MAX: variants seen among roughly 807,000 people sequenced by gnomAD.
MAX encodes the protein MYC associated transcriptional regulator X.
In MAX, 3 loss-of-function variants were observed where a neutral mutation model predicts 22.3. The ratio of observed to expected loss-of-function variants is 0.13; its 90% CI spans 0.06 to 0.35. The LOEUF is 0.35. Among genes scored for constraint, MAX ranks in the 10% least tolerant of loss-of-function variants. The pLI is 1.00. For synonymous variants in MAX, 72 were observed against 77.7 expected (o/e 0.93, Z 0.39); for missense variants, 119 against 209.4 (o/e 0.57, Z 2.66).
At chr14:65,040,250 T>C (rs2062314308) in intron 3 of MAX, among the ~76,000 whole-genome samples, 1 of 121,954 alleles carries the variant, frequency 8.2e-6, no homozygotes, top group Non-Finnish European at 2.0e-5. Flanking sequence ...GTTATCACTA[T>C]ATATATATGT....
chr14:65,038,965 A>G (rs553144709), intron 3 of MAX, among the ~76,000 whole-genome samples: 2 of 152,234 alleles, frequency 1.3e-5, no homozygotes, highest in South Asian at 4.1e-4. Context: ...ATAATATTTT[A>G]TCTAAAGATA....
chr14:65,020,904 G>A (rs2139548452), intron 3 of MAX, among the ~76,000 whole-genome samples: 1 of 150,868 alleles, frequency 6.6e-6, no homozygotes, highest in Admixed American at 6.6e-5. Context: ...GCTAATTTTT[G>A]TATTTTGTAA....
chr14:65,083,988 A>G (rs1360354777), intron 3 of MAX: 5 of 1,466,496 alleles, frequency 3.4e-6, no homozygotes, highest in Non-Finnish European at 4.5e-6. Context: ...ATGCCAGCAA[A>G]GGAGGCTGGA....
chr14:65,098,530 C>A (rs922455385), intron 2 of MAX, among the ~76,000 whole-genome samples: 9 of 152,080 alleles, frequency 5.9e-5, no homozygotes, highest in African/African-American at 2.2e-4. Context: ...AACACACTAA[C>A]CCATACATTT....
At position 65,088,318 on chromosome 14, in the gene MAX, G is replaced by A. The variant is rs2063397394; in HGVS notation, c.171+5390C>T. Among the ~76,000 whole-genome samples the A allele has an allele frequency of 6.6e-6, 1 of 152,186 alleles. No individual in the cohort carries two copies. Among genetic ancestry groups the A allele is most frequent in the African/African-American group, 2.4e-5 (1 of 41,434 alleles). On this transcript the variant is annotated intron_variant, in intron 3 of 4. Coordinates refer to ENST00000358664, the MANE Select transcript of MAX (RefSeq NM_002382.5). The surrounding 1 kb of genome is among the most constrained non-coding windows in gnomAD (Gnocchi z 5.2). Reference sequence around the variant, plus strand: ...AAATGGGCAATGAAAAGCCCTTGGAGGTTTTCAGCAGCATGCAAATAATTT... The same window carrying A: ...AAATGGGCAATGAAAAGCCCTTGGAAGTTTTCAGCAGCATGCAAATAATTT...
At chr14:65,094,223 G>C (rs1442116704) in intron 2 of MAX, 3 of 279,952 alleles carry the variant, frequency 1.1e-5, no homozygotes, top group Non-Finnish European at 2.1e-5. Context: ...TCCACTGTAA[G>C]AGATTCCCCA....
At position 65,027,675 on chromosome 14, in the gene MAX, C is replaced by A; in HGVS notation, c.172-21391G>T. On this transcript the variant is annotated intron_variant, in intron 3 of 3. Coordinates refer to the MAX transcript ENST00000341653. This position sits in a 1 kb window ranked among gnomAD's most constrained non-coding sequence, Gnocchi z 5.7. ...TGACACGCACTGACTGTTGCCTCTC[C>A]TACCTCTTTCCCTGTTTCTCAGAGA... The A allele has an allele frequency of 6.2e-7, 1 of 1,614,182 alleles. No individual in the cohort carries two copies. The highest frequency in any genetic ancestry group is 8.5e-7 in the Non-Finnish European group (1 of 1,180,010).
chr14:65,075,170 G>T lies in MAX; in HGVS notation c.*1306C>A. 8.7e-6 allele frequency: 9 copies of T among 1,033,596 alleles called. No individual in the cohort carries two copies. The highest frequency in any genetic ancestry group is 1.0e-5 in the Non-Finnish European group (9 of 859,370). The allele number at this position is 1,033,596 out of a possible 1,614,324, so 64.0% of individuals were successfully genotyped here. ...TATTTATAGTCTTATAGTAAAGGGG[G>T]AAGCCTTAACTTGCAAGACAATTCT... is the stretch of plus-strand genomic sequence containing the variant. On this transcript the variant is annotated 3_prime_UTR_variant, in exon 5 of 5. Coordinates refer to ENST00000358664, the MANE Select transcript of MAX (RefSeq NM_002382.5). This position sits in a 1 kb window ranked among gnomAD's most constrained non-coding sequence, Gnocchi z 4.1.
chr14:65,044,546 T>G lies in MAX; in HGVS notation c.172-38262A>C. 55 of 1,472,798 alleles carry G rather than the reference T, an allele frequency of 3.7e-5. No homozygotes were observed. The highest frequency in any genetic ancestry group is 4.5e-5 in the Non-Finnish European group (50 of 1,106,386). The allele number at this position is 1,472,798 out of a possible 1,614,324, so 91.2% of individuals were successfully genotyped here. A position where few individuals can be genotyped will look rare whatever the true frequency, so the allele number is the denominator to read the frequency against. ...TTTTTAGAGGGGTTGAAATGAGCTC[T>G]GTCTATCCTGGATTTTGAGTGCCCA... is the stretch of plus-strand genomic sequence containing the variant. On this transcript the variant is annotated intron_variant, in intron 3 of 3. Coordinates refer to the MAX transcript ENST00000341653. The surrounding 1 kb of genome is among the most constrained non-coding windows in gnomAD (Gnocchi z 5.5).
intron 3 of MAX, among the ~76,000 whole-genome samples, chr14:65,019,521 T>C (rs2061848605): frequency 6.6e-6 from 1 of 152,080 alleles, no homozygotes; most frequent in Non-Finnish European, 1.5e-5. Flanking sequence ...TTTTTTAAGC[T>C]TACTTGCATT....
chr14:65,054,666 C>G lies in MAX; in HGVS notation c.171+39042G>C, dbSNP rs368210294. On this transcript the variant is annotated intron_variant, in intron 3 of 3. Transcript: ENST00000341653. This position sits in a 1 kb window ranked among gnomAD's most constrained non-coding sequence, Gnocchi z 4.4. The stretch of plus-strand genomic sequence containing the variant: ...CGGAGCCATGTTGCATGATGTGGTC[C>G]TGGGTGTGCCCGAAAACGCTCTGGT... The G allele has an allele frequency of 1.8e-5, 29 of 1,612,438 alleles. No homozygotes were observed. The highest frequency in any genetic ancestry group is 2.5e-5 in the Non-Finnish European group (29 of 1,179,348).
chr14:65,055,216 G>GA (rs2062705657), intron 3 of MAX, among the ~76,000 whole-genome samples: 2 of 152,150 alleles, frequency 1.3e-5, no homozygotes, highest in Non-Finnish European at 2.9e-5. Flanking sequence ...CTGCTTTCCT[G>GA]AAAAAACAAT....
chr14:65,013,858 A>G (rs1052458058), intron 3 of MAX, among the ~76,000 whole-genome samples: 24 of 152,164 alleles, frequency 1.6e-4, no homozygotes, highest in African/African-American at 5.1e-4. Context: ...GCATTCTCTT[A>G]TTTAAATCTT....
chr14:65,025,530 A>C (rs896520858), intron 3 of MAX, among the ~76,000 whole-genome samples: 1 of 152,202 alleles, frequency 6.6e-6, no homozygotes, highest in Non-Finnish European at 1.5e-5. Flanking sequence ...AAAATGTGTC[A>C]CATGCTGGGC....
At position 65,076,542 on chromosome 14, in the gene MAX, G is replaced by A; in HGVS notation, c.417C>T (p.Asp139=). ...CTTCAGGCTCAGACTCCGAGCTGGA[G>A]TCCGAGCCCCCATCGAAGGCAGAGA... ...STISAFDGGS[D]SSSESEPEEP... is the part of the protein sequence containing the mutation. Residue 139 remains aspartate, a synonymous_variant, in exon 5 of 5, where the codon GAC becomes GAT. Coordinates refer to ENST00000358664, the MANE Select transcript of MAX (RefSeq NM_002382.5). The surrounding 1 kb of genome is among the most constrained non-coding windows in gnomAD (Gnocchi z 6.6). 2.5e-6 allele frequency: 4 copies of A among 1,614,118 alleles called. No homozygotes were observed. The highest frequency in any genetic ancestry group is 3.4e-6 in the Non-Finnish European group (4 of 1,180,010).
intron 3 of MAX, among the ~76,000 whole-genome samples, chr14:65,083,214 C>T (rs1209245508): frequency 1.3e-5 from 2 of 152,178 alleles, no homozygotes; most frequent in African/African-American, 4.8e-5. Context: ...CAGACCTCTG[C>T]TTTTGAACAG....
At position 65,025,739 on chromosome 14, in the gene MAX, T is replaced by TG. The variant is rs1055194134; in HGVS notation, c.172-19456dup. 1.6e-4 allele frequency among the ~76,000 whole-genome samples: 25 copies of TG among 152,162 alleles called. No homozygotes were observed. The South Asian group carries it at 4.8e-3, about 29-fold the overall frequency. ...CTGAGGTGGGAGGATAGCTTGAGTC[T>TG]GGGGAGGTTGAGGCTGCAGTGAGCC... On this transcript the variant is annotated intron_variant, in intron 3 of 3. Transcript: ENST00000341653.
intron 3 of MAX, among the ~76,000 whole-genome samples, chr14:65,041,911 T>C (rs1302880747): frequency 6.6e-6 from 1 of 152,222 alleles, no homozygotes; most frequent in Non-Finnish European, 1.5e-5. Flanking sequence ...GCCTCAGTTA[T>C]AAAGACAGTG....
At chr14:65,015,531 C>A in intron 3 of MAX, 1 of 1,347,742 alleles carries the variant, frequency 7.4e-7, no homozygotes, top group Non-Finnish European at 1.0e-6. Flanking sequence ...CTCCCCCTTG[C>A]CAGGCTGCTG....
Sources: gnomAD v4.1 joint callset for allele counts (sites outside exome capture counted in the v4.1 genomes callset) on GRCh38, gnomAD v4.1.1 for gene constraint, Gnocchi (gnomAD v3.1) non-coding constraint, MANE v1.5 for transcripts, NCBI Gene and HGNC (gene_info 2026-07-23, HGNC 2026-07-21) for gene names.